The following SEMA5A variants were observed in gnomAD, a reference collection of about 807,000 sequenced individuals.
SEMA5A encodes semaphorin 5A.
In SEMA5A, 55 loss-of-function variants were observed where a neutral mutation model predicts 135.5. The ratio of observed to expected loss-of-function variants is 0.41; its 90% confidence interval spans 0.33 to 0.51. The LOEUF (loss-of-function observed/expected upper bound fraction) is 0.51, where lower values mean the gene tolerates loss of function less well. Among genes scored for constraint, SEMA5A ranks in the 20% least tolerant of loss-of-function variants. The pLI is 0.37. For missense variants in SEMA5A, 1,290 were observed against 1,419.9 expected (o/e 0.91, Z 1.47); for synonymous variants, 580 against 546.5 (o/e 1.06, Z -0.85).
chr5:9,248,103 T>C (rs192773795), intron 5 of SEMA5A, among the ~76,000 whole-genome samples: 2 of 152,272 alleles, frequency 1.3e-5, no homozygotes, highest in Admixed American at 6.5e-5. Context: ...GCCAGAGATG[T>C]CCTAAAATAT....
chr5:9,300,343 T>C (rs1321954820), intron 5 of SEMA5A, among the ~76,000 whole-genome samples: 1 of 152,188 alleles, frequency 6.6e-6, no homozygotes, highest in Non-Finnish European at 1.5e-5. Flanking sequence ...TCCTCATTTC[T>C]AATGCCATGT....
intron 1 of SEMA5A, among the ~76,000 whole-genome samples, chr5:9,493,674 T>G (rs1294364996): frequency 1.3e-5 from 2 of 152,220 alleles, no homozygotes; most frequent in Non-Finnish European, 2.9e-5. Flanking sequence ...GTGTTTTCTC[T>G]TCTTAGAAAT....
At chr5:9,494,083 A>G (rs1188542858) in intron 1 of SEMA5A, among the ~76,000 whole-genome samples, 1 of 152,196 alleles carries the variant, frequency 6.6e-6, no homozygotes, top group Non-Finnish European at 1.5e-5. Flanking sequence ...GAGCATAAAA[A>G]TTCCTGTTTA....
intron 16 of SEMA5A, among the ~76,000 whole-genome samples, chr5:9,088,653 TATATATACAC>T (rs1165092588): frequency 9.0e-6 from 1 of 111,386 alleles, no homozygotes; most frequent in African/African-American, 4.0e-5. Context: ...TATATATATA[TATATATACAC>T]ACACACACTC....
At chr5:9,143,395 C>A (rs1385500753) in intron 12 of SEMA5A, among the ~76,000 whole-genome samples, 1 of 151,938 alleles carries the variant, frequency 6.6e-6, no homozygotes, top group African/African-American at 2.4e-5. Context: ...TAAAACTACT[C>A]GGCTTAACAT....
At chr5:9,137,929 TTGAC>T (rs757705626) in intron 12 of SEMA5A, among the ~76,000 whole-genome samples, 1 of 152,162 alleles carries the variant, frequency 6.6e-6, no homozygotes, top group Non-Finnish European at 1.5e-5. Context: ...AGGCACTACA[TTGAC>T]TGTCGCTTTG....
chr5:9,272,627 G>T (rs1056870196), intron 5 of SEMA5A, among the ~76,000 whole-genome samples: 1 of 152,190 alleles, frequency 6.6e-6, no homozygotes, highest in Admixed American at 6.5e-5. Context: ...GCTGGCATCT[G>T]GTGGGTGCCC....
In SEMA5A at chr5:9,307,524, T is replaced by G. The variant is rs114645690; in HGVS notation, c.270+10848A>C. Among the ~76,000 whole-genome samples the G allele has an allele frequency of 5.5e-3, 841 of 152,258 alleles. 7 individuals are homozygous for G. Among genetic ancestry groups the G allele is most frequent in the African/African-American group, 0.019 (784 of 41,556 alleles). The stretch of plus-strand genomic sequence containing the variant: ...TCATTTATGTTTCTCCTTTGCTTTT[T>G]ATTTTCACTTTGTTCTTAGGTAATT... On this transcript the variant is annotated intron_variant, in intron 5 of 22. Coordinates refer to ENST00000382496, the MANE Select transcript of SEMA5A (RefSeq NM_003966.3).
At chr5:9,197,344 G>C (rs760888260) in intron 9 of SEMA5A, 41 bp from the exon 10 acceptor site, 1 of 1,599,346 alleles carries the variant, frequency 6.3e-7, no homozygotes, top group South Asian at 1.1e-5. Context: ...CAGAGAGCTC[G>C]GCAGCACCTG....
At chr5:9,229,394 A>T (rs1273254165) in intron 6 of SEMA5A, among the ~76,000 whole-genome samples, 1 of 152,170 alleles carries the variant, frequency 6.6e-6, no homozygotes, top group Non-Finnish European at 1.5e-5. Flanking sequence ...AAGACTTCAA[A>T]GAACCACACA....
intron 15 of SEMA5A, among the ~76,000 whole-genome samples, chr5:9,112,806 A>G (rs1234776673): frequency 6.6e-6 from 1 of 152,218 alleles, no homozygotes; most frequent in Non-Finnish European, 1.5e-5. Context: ...AACCAACAGA[A>G]TATGTGAAAG....
rs150275229 is a variant in SEMA5A at position 9,501,075 on chromosome 5, C to G, written c.-175+44509G>C. On this transcript the variant is annotated intron_variant, in intron 1 of 22. Transcript: ENST00000382496. ...GGCTAGAATTTCTTACACTGATTTTCTTGATATTTATGATGATTTAATACA... is the reference window on the plus strand; with the variant it reads ...GGCTAGAATTTCTTACACTGATTTTGTTGATATTTATGATGATTTAATACA... Among the ~76,000 whole-genome samples, 25 of 152,234 alleles carry G rather than the reference C, an allele frequency of 1.6e-4. No homozygotes were observed. The East Asian group carries it at 4.8e-3, about 29-fold the overall frequency.
At chr5:9,228,684 C>T (rs1747455861) in intron 6 of SEMA5A, among the ~76,000 whole-genome samples, 2 of 152,194 alleles carry the variant, frequency 1.3e-5, no homozygotes, top group Admixed American at 6.5e-5. Flanking sequence ...CATTTCATGC[C>T]TAGACCAAGG....
intron 5 of SEMA5A, among the ~76,000 whole-genome samples, chr5:9,264,428 A>G (rs994511636): frequency 1.3e-5 from 2 of 152,202 alleles, no homozygotes; most frequent in Non-Finnish European, 2.9e-5. Flanking sequence ...TAAATAACGC[A>G]TTTTATTTCA....
chr5:9,278,741 C>A (rs938146200), intron 5 of SEMA5A, among the ~76,000 whole-genome samples: 1 of 152,222 alleles, frequency 6.6e-6, no homozygotes, highest in Non-Finnish European at 1.5e-5. Flanking sequence ...ACAGCTCAGG[C>A]TGAGGCTTCA....
intron 1 of SEMA5A, among the ~76,000 whole-genome samples, chr5:9,439,933 C>T (rs1326652526): frequency 5.3e-5 from 8 of 152,206 alleles, no homozygotes; most frequent in Admixed American, 2.6e-4. Flanking sequence ...GGTGTCCACC[C>T]GAAAGGGTTG....
chr5:9,500,948 T>G (rs1735566945), intron 1 of SEMA5A, among the ~76,000 whole-genome samples: 1 of 152,178 alleles, frequency 6.6e-6, no homozygotes, highest in African/African-American at 2.4e-5. Flanking sequence ...GAAGTTAAAC[T>G]GTTAATTAAA....
At chr5:9,346,046 T>C (rs1012045741) in intron 3 of SEMA5A, among the ~76,000 whole-genome samples, 1 of 152,096 alleles carries the variant, frequency 6.6e-6, no homozygotes, top group Non-Finnish European at 1.5e-5. Flanking sequence ...TATTCTGTTT[T>C]CCTGCTTGAA....
rs763163776 is a variant in SEMA5A at position 9,122,668 on chromosome 5, G to A, written c.1769C>T (p.Ala590Val). 3.7e-6 allele frequency: 6 copies of A among 1,600,610 alleles called. No individual in the cohort carries two copies. The South Asian group carries it at 6.7e-5, about 18-fold the overall frequency. ...CTGAGCGGCACACCTGGAACAGTTG[G>A]CGATCTCCATGCCAGGGCCCTCGCA... ...WQCEGPGMEI[A>V]NCSRNGGWTP... The change falls in exon 14 of 23, where the codon GCC becomes GTC. Residue 590 changes from alanine to valine, a missense_variant. Physicochemically the swap from Ala to Val is moderately conservative, Grantham distance 64. This residue lies in a region of SEMA5A where 1,029 missense variants were observed against 1,086.6 expected (regional missense o/e 0.95). Transcript: ENST00000382496.
Sources: allele counts gnomAD v4.1 joint callset (sites outside exome capture counted in the v4.1 genomes callset), GRCh38; gene constraint gnomAD v4.1.1; regional missense constraint gnomAD v4.1.1; transcripts MANE v1.5; gene names NCBI Gene and HGNC (gene_info 2026-07-23, HGNC 2026-07-21).